IL4I1: variants seen among roughly 807,000 people sequenced by gnomAD.
IL4I1 encodes the protein L-amino-acid oxidase.
IL4I1 carries 24 observed loss-of-function variants against 29.7 expected under a neutral mutation model. The ratio of observed to expected loss-of-function variants is 0.81; its 90% CI spans 0.59 to 1.14. IL4I1 has a LOEUF of 1.14. Ranked by LOEUF, IL4I1 falls within the 50% of genes most tolerant of loss-of-function variation. IL4I1 has a pLI of 0.00. For synonymous variants in IL4I1, 371 were observed against 352.5 expected (o/e 1.05, Z -0.59); for missense variants, 686 against 785.6 (o/e 0.87, Z 1.52).
intron 3 of IL4I1, 61 bp from the exon 4 acceptor site, chr19:49,895,241 C>T (rs2075191659): frequency 7.3e-7 from 1 of 1,365,010 alleles, no homozygotes. Context: ...ATCCCCTGCC[C>T]TCTACCACCC....
At chr19:49,908,163 C>A (rs2075365070) in intron 2 of IL4I1, 4 of 1,569,252 alleles carry the variant, frequency 2.5e-6, no homozygotes, top group Non-Finnish European at 3.4e-6. Context: ...CTTGCCACAA[C>A]CCCAAACTAC....
At chr19:49,928,365 A>C (rs1304577437) in intron 1 of IL4I1, 2 of 152,092 alleles carry the variant, frequency 1.3e-5, no homozygotes, top group African/African-American at 4.8e-5. Flanking sequence ...AAAATACAAA[A>C]AATTAGCCGG....
chr19:49,909,787 T>G, intron 2 of IL4I1: 1 of 1,614,076 alleles, frequency 6.2e-7, no homozygotes, highest in South Asian at 1.1e-5. Context: ...CCCCAGTGCC[T>G]CCAAAATTAA....
intron 1 of IL4I1, among the ~76,000 whole-genome samples, chr19:49,896,431 T>G (rs1247964795): frequency 6.6e-6 from 1 of 151,006 alleles, no homozygotes; most frequent in African/African-American, 2.5e-5. Context: ...TTTTCCCTCT[T>G]TCTTTCCTTT....
intron 1 of IL4I1, chr19:49,928,662 A>G (rs1298947461): frequency 6.6e-6 from 1 of 152,146 alleles, no homozygotes; most frequent in African/African-American, 2.4e-5. Context: ...GAAGTAAGAG[A>G]ACTTAAGTTA....
chr19:49,899,759 G>A (rs2075255258), upstream of IL4I1, among the ~76,000 whole-genome samples: 1 of 152,078 alleles, frequency 6.6e-6, no homozygotes, highest in South Asian at 2.1e-4. Context: ...ATTTCACCGT[G>A]TTAGCCAGGA....
intron 2 of IL4I1, chr19:49,907,690 C>A: frequency 2.8e-6 from 1 of 352,800 alleles, no homozygotes; most frequent in Non-Finnish European, 5.5e-6. Flanking sequence ...AGGCGTCCAC[C>A]ACACCTGACT....
intron 2 of IL4I1, among the ~76,000 whole-genome samples, chr19:49,926,359 G>A (rs1036724864): frequency 1.3e-5 from 2 of 151,994 alleles, no homozygotes; most frequent in Admixed American, 1.3e-4. Flanking sequence ...GCAAAACCCC[G>A]TCTCTACTAA....
upstream of IL4I1, among the ~76,000 whole-genome samples, chr19:49,901,340 C>T (rs943862303): frequency 1.3e-5 from 2 of 152,146 alleles, no homozygotes; most frequent in African/African-American, 4.8e-5. Flanking sequence ...GCCGAGACCG[C>T]GCCATTCCAC....
At chr19:49,913,369 T>G (rs1460462464) in intron 2 of IL4I1, among the ~76,000 whole-genome samples, 1 of 152,154 alleles carries the variant, frequency 6.6e-6, no homozygotes, top group Admixed American at 6.5e-5. Flanking sequence ...AAGAGCGCCT[T>G]TGTTTACCTG....
Position 49,895,286 on chromosome 19 carries a change from T to C in IL4I1, c.253-106A>G, listed in dbSNP as rs115175540. ...CCCCTGCCTTCTTCCATCCCCACAG[T>C]GGCCCAGACCCAGACTAGGAGAGGG... On this transcript the variant is annotated intron_variant, in intron 3 of 7. Coordinates refer to ENST00000391826, the MANE Select transcript of IL4I1 (RefSeq NM_152899.2). 9.5e-4 allele frequency: 800 copies of C among 843,762 alleles called. 6 individuals carry two copies. The African/African-American group carries it at 0.012, about 12-fold the overall frequency. 52.3% of individuals were successfully genotyped at this position (843,762 alleles called of 1,614,324 possible). A position where few individuals can be genotyped will look rare whatever the true frequency, so the allele number is the denominator to read the frequency against.
intron 2 of IL4I1, chr19:49,908,569 C>T: frequency 6.2e-7 from 1 of 1,614,188 alleles, no homozygotes; most frequent in Non-Finnish European, 8.5e-7. Flanking sequence ...GCTCCTTGAC[C>T]AACTCCTCCA....
intron 2 of IL4I1, chr19:49,909,848 A>C (rs1320066824): frequency 6.2e-7 from 1 of 1,601,108 alleles, no homozygotes; most frequent in Admixed American, 1.7e-5. Context: ...TGGCTCCCAA[A>C]GCAAATCCGT....
intron 3 of IL4I1, 109 bp downstream of exon 3, chr19:49,895,706 C>A: frequency 4.1e-5 from 31 of 752,598 alleles, no homozygotes; most frequent in Middle Eastern, 9.5e-4. Flanking sequence ...TCTCCCCCCA[C>A]ATCCCCACCT....
At chr19:49,901,654 G>A (rs949878126), upstream of IL4I1, 2 of 1,529,760 alleles carry the variant, frequency 1.3e-6, no homozygotes, top group African/African-American at 1.4e-5. Flanking sequence ...GGCTGCCTCT[G>A]GGGGGCTCTC....
chr19:49,926,607 G>A (rs2064042457), intron 2 of IL4I1, among the ~76,000 whole-genome samples: 1 of 152,212 alleles, frequency 6.6e-6, no homozygotes, highest in Admixed American at 6.5e-5. Context: ...AGATTCTACC[G>A]GCGGGGCGGG....
At chr19:49,899,130 C>T (rs991745137), upstream of IL4I1, among the ~76,000 whole-genome samples, 7 of 152,210 alleles carry the variant, frequency 4.6e-5, no homozygotes, top group African/African-American at 1.4e-4. Context: ...CTCACCAGGT[C>T]GGGTGGGCCC....
At chr19:49,890,894 G>A in intron 7 of IL4I1, 77 bp downstream of exon 7, 1 of 1,227,896 alleles carries the variant, frequency 8.1e-7, no homozygotes, top group Non-Finnish European at 1.1e-6. Context: ...CCCAGACCCA[G>A]AGGCTCCTCC....
upstream of IL4I1, chr19:49,897,100 G>A (rs928036720): frequency 6.4e-6 from 1 of 156,894 alleles, no homozygotes; most frequent in Admixed American, 6.5e-5. Flanking sequence ...TGGTTTGGAG[G>A]CCAGAAATAG....
Sources: gnomAD v4.1 joint callset for allele counts (sites outside exome capture counted in the v4.1 genomes callset) on GRCh38, gnomAD v4.1.1 for gene constraint, MANE v1.5 for transcripts, NCBI Gene and HGNC (gene_info 2026-07-23, HGNC 2026-07-21) for gene names.